Variants in PDZD8 observed in about 807,000 individuals in gnomAD.
PDZD8 encodes PDZ domain-containing protein 8.
In PDZD8, 14 loss-of-function variants were observed where a neutral mutation model predicts 85.8. The observed-to-expected ratio is 0.16, with a 90% CI of 0.11 to 0.26. The LOEUF (loss-of-function observed/expected upper bound fraction) is 0.26. Ranked by LOEUF, PDZD8 falls within the 10% of genes least tolerant of loss-of-function variation. The pLI is 1.00. For missense variants in PDZD8, 1,197 were observed against 1,424.3 expected, an observed-to-expected ratio of 0.84 and a Z score of 2.57; for synonymous variants, 592 against 568.6, an observed-to-expected ratio of 1.04 and a Z score of -0.59.
chr10:117,354,719 A>G (rs1317730297), intron 1 of PDZD8, among the ~76,000 whole-genome samples: 1 of 152,210 alleles, frequency 6.6e-6, no homozygotes, highest in Non-Finnish European at 1.5e-5. Flanking sequence ...TGAAAGTCCT[A>G]TATGGTTTAT....
Position 117,350,215 on chromosome 10 carries a change from A to G in PDZD8, c.873-9113T>C, listed in dbSNP as rs576150436. ...ACAGCTAGTAAGTGGTAGAACCAAAATAAGAATCTAGGTAGTCTAGCTCCA... is the reference window on the plus strand; with the variant it reads ...ACAGCTAGTAAGTGGTAGAACCAAAGTAAGAATCTAGGTAGTCTAGCTCCA... On this transcript the variant is annotated intron_variant, in intron 1 of 4. Transcript: ENST00000334464. Among the ~76,000 whole-genome samples, 18 of 151,994 alleles carry G rather than the reference A, an allele frequency of 1.2e-4. No individual in the cohort carries two copies. In the South Asian group the frequency reaches 3.7e-3, roughly 32 times the overall value.
intron 2 of PDZD8, among the ~76,000 whole-genome samples, chr10:117,333,155 G>A (rs1241500611): frequency 6.8e-6 from 1 of 147,242 alleles, no homozygotes; most frequent in Non-Finnish European, 1.5e-5. Context: ...GGGATATGGA[G>A]GCAGAATAAG....
chr10:117,330,268 A>C (rs1255178939), intron 2 of PDZD8, among the ~76,000 whole-genome samples: 2 of 151,956 alleles, frequency 1.3e-5, no homozygotes, highest in Non-Finnish European at 2.9e-5. Flanking sequence ...TTCCAAATCT[A>C]ATCTTCAGTC....
chr10:117,369,635 T>C (rs1213101033), intron 1 of PDZD8, among the ~76,000 whole-genome samples: 2 of 152,138 alleles, frequency 1.3e-5, no homozygotes, highest in Non-Finnish European at 2.9e-5. Context: ...CTCAAATTCA[T>C]ATAACTCCAA....
At chr10:117,353,184 A>T (rs533039010) in intron 1 of PDZD8, among the ~76,000 whole-genome samples, 68 of 152,360 alleles carry the variant, frequency 4.5e-4, no homozygotes, top group African/African-American at 1.6e-3. Context: ...TATCTAAAAC[A>T]GTACCTCTTG....
chr10:117,350,855 G>A lies in PDZD8; in HGVS notation c.873-9753C>T, dbSNP rs1056071724. Among the ~76,000 whole-genome samples the A allele has an allele frequency of 4.8e-5, 7 of 146,858 alleles. No individual in the cohort carries two copies. In the South Asian group the frequency reaches 1.5e-3, roughly 32 times the overall value. ...GGAGGCAGAGCTTGCAGTAAGCAGA[G>A]ATTGCACCACTGCACTCCAGCCTGG... On this transcript the variant is annotated intron_variant, in intron 1 of 4. Coordinates refer to ENST00000334464, the MANE Select transcript of PDZD8 (RefSeq NM_173791.5).
intron 1 of PDZD8, among the ~76,000 whole-genome samples, chr10:117,343,378 G>A (rs1844649941): frequency 1.3e-5 from 2 of 152,098 alleles, no homozygotes; most frequent in South Asian, 2.1e-4. Flanking sequence ...CAACTAAAAC[G>A]CTAATTTGCA....
intron 3 of PDZD8, among the ~76,000 whole-genome samples, chr10:117,302,901 C>CA (rs1162859344): frequency 6.6e-6 from 1 of 152,202 alleles, no homozygotes; most frequent in Non-Finnish European, 1.5e-5. Flanking sequence ...GAGGCCTCCC[C>CA]AGCCATGTGG....
intron 3 of PDZD8, among the ~76,000 whole-genome samples, chr10:117,300,584 C>A (rs1336821706): frequency 6.6e-6 from 1 of 152,140 alleles, no homozygotes; most frequent in Non-Finnish European, 1.5e-5. Context: ...ACTCTACATG[C>A]TACAGATCTT....
rs1214353846 is a variant in PDZD8, at chr10:117,283,487, T to C, written c.3246A>G (p.Glu1082=). 7 of 1,614,108 alleles carry C rather than the reference T, an allele frequency of 4.3e-6. No individual in the cohort carries two copies. The highest frequency in any genetic ancestry group is 5.9e-6 in the Non-Finnish European group (7 of 1,180,036). ...TAAGAAGTGTTAGAGCTTGTAGCCT[T>C]TCACCTGATTTAGCTAAGGCAGCAG... ...LLSAALAKSG[E]RLQALTLLMI... Residue 1082 remains glutamate (E), a synonymous_variant, in exon 5 of 5, where the codon GAA becomes GAG. Coordinates refer to ENST00000334464, the MANE Select transcript of PDZD8 (RefSeq NM_173791.5).
intron 1 of PDZD8, among the ~76,000 whole-genome samples, chr10:117,356,969 CAA>C (rs1803061525): frequency 6.6e-6 from 1 of 152,046 alleles, no homozygotes; most frequent in Non-Finnish European, 1.5e-5. Context: ...TTCATACAGA[CAA>C]ACTTTTTTTC....
intron 2 of PDZD8, among the ~76,000 whole-genome samples, chr10:117,319,427 ACACACACT>A (rs148343114): frequency 0.27 from 20,479 of 76,856 alleles, 1,608 homozygotes; most frequent in East Asian, 0.43. Flanking sequence ...ACACACACAC[ACACACACT>A]CTTCATCTAC....
At chr10:117,292,343 C>T (rs562617544) in intron 3 of PDZD8, among the ~76,000 whole-genome samples, 2 of 152,166 alleles carry the variant, frequency 1.3e-5, no homozygotes, top group Admixed American at 6.5e-5. Flanking sequence ...CAATTAATCA[C>T]CTTACAATGT....
Position 117,277,894 on chromosome 10 carries a change from A to G in PDZD8, c.*5374T>C, listed in dbSNP as rs1160946733. 3.3e-5 allele frequency: 5 copies of G among 152,230 alleles called. No individual in the cohort carries two copies. The highest frequency in any genetic ancestry group is 4.8e-5 in the African/African-American group (2 of 41,466). 9.4% of individuals were successfully genotyped at this position (152,230 alleles called of 1,614,324 possible). On this transcript the variant is annotated 3_prime_UTR_variant, in exon 5 of 5. Transcript: ENST00000334464. ...TTTCTATGTAATCACCTACCTAGAG[A>G]GAGTTGTAAATTATATGTTAACATG...
chr10:117,293,261 C>T (rs944499320), intron 3 of PDZD8, among the ~76,000 whole-genome samples: 2 of 151,792 alleles, frequency 1.3e-5, no homozygotes, highest in Non-Finnish European at 2.9e-5. Context: ...TAATTCTCTC[C>T]CATATGTATG....
At chr10:117,347,263 T>C (rs568692891) in intron 1 of PDZD8, among the ~76,000 whole-genome samples, 5 of 152,196 alleles carry the variant, frequency 3.3e-5, no homozygotes, top group Non-Finnish European at 7.3e-5. Flanking sequence ...CTCTGAAGCC[T>C]ACTACCTGAA....
chr10:117,291,487 C>T (rs12221325), intron 3 of PDZD8, among the ~76,000 whole-genome samples: 15,862 of 150,860 alleles, frequency 0.11, 1,115 homozygotes, highest in East Asian at 0.34. Flanking sequence ...TGAGATCACA[C>T]CACTGCACTC....
chr10:117,309,257 T>G (rs1208391107), intron 3 of PDZD8, among the ~76,000 whole-genome samples: 1 of 152,098 alleles, frequency 6.6e-6, no homozygotes, highest in Non-Finnish European at 1.5e-5. Context: ...ATTTAGATTC[T>G]TACTACAATA....
chr10:117,363,790 A>G (rs562986100), intron 1 of PDZD8, among the ~76,000 whole-genome samples: 1 of 152,296 alleles, frequency 6.6e-6, no homozygotes, highest in East Asian at 1.9e-4. Context: ...CCCACCCACC[A>G]TATCATCAGC....
Sources: gnomAD v4.1 joint callset for allele counts (sites outside exome capture counted in the v4.1 genomes callset) on GRCh38, gnomAD v4.1.1 for gene constraint, MANE v1.5 for transcripts, NCBI Gene and HGNC (gene_info 2026-07-23, HGNC 2026-07-21) for gene names.